GPR89A: variants seen among roughly 807,000 people sequenced by gnomAD.
GPR89A encodes the protein G protein-coupled receptor 89A.
In GPR89A, 16 loss-of-function variants were observed where a neutral mutation model predicts 52.0. That is an observed-to-expected ratio of 0.31 (90% CI 0.21 to 0.47). The LOEUF (loss-of-function observed/expected upper bound fraction) is 0.47. Ranked by LOEUF, GPR89A falls within the 20% of genes least tolerant of loss-of-function variation. The probability of loss-of-function intolerance (pLI) is 1.00; values close to 1 mark genes in which losing one functional copy is unlikely to be tolerated. For synonymous variants in GPR89A, 55 were observed against 150.9 expected (o/e 0.36, Z 4.66); for missense variants, 135 against 449.4 (o/e 0.30, Z 6.33).
At chr1:145,616,338 T>G (rs782004122) in intron 2 of GPR89A, 45 bp downstream of exon 2, 11 of 1,535,738 alleles carry the variant, frequency 7.2e-6, no homozygotes, top group Non-Finnish European at 8.9e-6. Flanking sequence ...ATGATTTAGA[T>G]TGACAAGAAA....
intron 10 of GPR89A, among the ~76,000 whole-genome samples, chr1:145,655,755 G>C (rs1553694409): frequency 6.6e-6 from 1 of 152,164 alleles, no homozygotes; most frequent in African/African-American, 2.4e-5. Flanking sequence ...GGGGGTCTCA[G>C]TCAGGAGGCA....
rs1378803852 is a variant in GPR89A at position 145,616,108 on chromosome 1, A to C, written c.43-126A>C. On this transcript the variant is annotated intron_variant, in intron 1 of 13. Transcript: ENST00000313835. ...TTAATAATAGGTCTTATAAGAGTGG[A>C]TCTTATCTTTAATCCCTGAAATAAG... The C allele has an allele frequency of 1.6e-4, 108 of 675,442 alleles. 1 individual carries two copies. Among genetic ancestry groups the C allele is most frequent in the Non-Finnish European group, 2.3e-4 (90 of 387,392 alleles). 41.8% of individuals were successfully genotyped at this position (675,442 alleles called of 1,614,324 possible).
intron 8 of GPR89A, 80 bp from the exon 9 acceptor site, chr1:145,646,104 A>G (rs1650970234): frequency 6.2e-7 from 1 of 1,611,596 alleles, no homozygotes; most frequent in Non-Finnish European, 8.5e-7. Context: ...CACTGTAGGA[A>G]AAACCAAAAG....
chr1:145,657,457 T>C (rs1553694723), intron 10 of GPR89A, among the ~76,000 whole-genome samples: 1 of 151,088 alleles, frequency 6.6e-6, no homozygotes, highest in Non-Finnish European at 1.5e-5. Flanking sequence ...TCTCATAATG[T>C]CTTTATTTGG....
intron 10 of GPR89A, among the ~76,000 whole-genome samples, chr1:145,650,851 T>G (rs1651402612): frequency 6.6e-6 from 1 of 152,226 alleles, no homozygotes; most frequent in Non-Finnish European, 1.5e-5. Context: ...TTGATTTTTT[T>G]CTTGTAAATT....
intron 1 of GPR89A, among the ~76,000 whole-genome samples, chr1:145,615,927 C>A (rs1648652481): frequency 6.6e-6 from 1 of 151,698 alleles, no homozygotes; most frequent in African/African-American, 2.4e-5. Context: ...GCCACTGACT[C>A]CTTTTCTATT....
chr1:145,661,949 T>C (rs1652231988), intron 10 of GPR89A, among the ~76,000 whole-genome samples: 1 of 152,022 alleles, frequency 6.6e-6, no homozygotes, highest in Non-Finnish European at 1.5e-5. Context: ...CAAATATTAT[T>C]CTCTAATTAA....
chr1:145,669,585 T>G, intron 12 of GPR89A, 40 bp from the exon 13 acceptor site: 1 of 1,609,570 alleles, frequency 6.2e-7, no homozygotes, highest in Non-Finnish European at 8.5e-7. Context: ...CACAGGAATC[T>G]AACACTACTG....
In GPR89A at chr1:145,649,047, G is replaced by A. The variant is rs182259759; in HGVS notation, c.909+1780G>A. Among the ~76,000 whole-genome samples the A allele has an allele frequency of 2.6e-3, 395 of 151,674 alleles. 5 individuals are homozygous for A. The East Asian group carries it at 0.035, about 13-fold the overall frequency. On this transcript the variant is annotated intron_variant, in intron 10 of 13. Coordinates refer to ENST00000313835, the MANE Select transcript of GPR89A (RefSeq NM_001097612.2). ...TCTCGATCTCCTGACCTCGTGATCCGCCTGCCTCAGCCTCCCAAAGTGCTG... is the reference window on the plus strand; with the variant it reads ...TCTCGATCTCCTGACCTCGTGATCCACCTGCCTCAGCCTCCCAAAGTGCTG...
intron 8 of GPR89A, chr1:145,645,977 C>T (rs587695526): frequency 9.4e-6 from 6 of 639,718 alleles, no homozygotes; most frequent in East Asian, 8.1e-5. Flanking sequence ...TGTTTGGTGG[C>T]GATGCTCTTG....
chr1:145,649,851 C>A (rs1198405272), intron 10 of GPR89A, among the ~76,000 whole-genome samples: 1 of 151,874 alleles, frequency 6.6e-6, no homozygotes, highest in Admixed American at 6.6e-5. Flanking sequence ...CTAATAGATA[C>A]GAGGTGATAT....
chr1:145,666,717 C>G (rs1346987495), intron 12 of GPR89A, among the ~76,000 whole-genome samples: 2 of 128,080 alleles, frequency 1.6e-5, no homozygotes, highest in African/African-American at 5.9e-5. Flanking sequence ...CCCCACCCCA[C>G]GACAAGCCTC....
chr1:145,626,609 C>T (rs1228589895), intron 5 of GPR89A, among the ~76,000 whole-genome samples: 2 of 151,278 alleles, frequency 1.3e-5, no homozygotes, highest in Non-Finnish European at 2.9e-5. Context: ...TAGAGCTTTC[C>T]CAGGACTGTC....
chr1:145,664,784 C>T (rs1553696172), intron 11 of GPR89A, among the ~76,000 whole-genome samples: 1 of 150,322 alleles, frequency 6.7e-6, no homozygotes. Flanking sequence ...GTATATATTT[C>T]ATCTGTAATT....
At chr1:145,646,537 A>C (rs587714267) in intron 9 of GPR89A, 1 of 454,330 alleles carries the variant, frequency 2.2e-6, no homozygotes, top group South Asian at 2.7e-5. Context: ...GGTGGCACGT[A>C]CCACCTCCTA....
chr1:145,661,084 A>C (rs1480657533), intron 10 of GPR89A, among the ~76,000 whole-genome samples: 32 of 151,344 alleles, frequency 2.1e-4, no homozygotes, highest in Non-Finnish European at 3.1e-4. Flanking sequence ...AGACTGGATT[A>C]AGAAAATGTG....
At chr1:145,668,963 T>C (rs1392274408) in intron 12 of GPR89A, among the ~76,000 whole-genome samples, 1 of 152,040 alleles carries the variant, frequency 6.6e-6, no homozygotes, top group Admixed American at 6.6e-5. Flanking sequence ...GCCGCTGGAT[T>C]CAGTTTGCCA....
In GPR89A at chr1:145,645,932, C is replaced by T. The variant is rs1410009494; in HGVS notation, c.728-252C>T. ...TAAATCAAAAAACAAATGAAACCAT[C>T]TGTTTGAGCTGCTTAAGAGAAACTG... is the stretch of plus-strand genomic sequence containing the variant. On this transcript the variant is annotated intron_variant, in intron 8 of 13. Coordinates refer to ENST00000313835, the MANE Select transcript of GPR89A (RefSeq NM_001097612.2). The T allele has an allele frequency of 1.2e-5, 7 of 593,336 alleles. No individual in the cohort carries two copies. The East Asian group carries it at 2.1e-4, about 17-fold the overall frequency. The allele number at this position is 593,336 out of a possible 1,614,324, so 36.8% of individuals were successfully genotyped here.
At chr1:145,664,357 A>G (rs1652411206) in intron 11 of GPR89A, among the ~76,000 whole-genome samples, 2 of 152,204 alleles carry the variant, frequency 1.3e-5, no homozygotes, top group South Asian at 4.1e-4. Flanking sequence ...ATTATATTAA[A>G]TATGCTTTAC....
Sources: gnomAD v4.1 joint callset for allele counts (sites outside exome capture counted in the v4.1 genomes callset) on GRCh38, gnomAD v4.1.1 for gene constraint, MANE v1.5 for transcripts, NCBI Gene and HGNC (gene_info 2026-07-23, HGNC 2026-07-21) for gene names.